Variants in IGF2R observed in about 807,000 individuals in gnomAD.
The protein encoded by IGF2R is insulin like growth factor 2 receptor.
In IGF2R, 91 loss-of-function variants were observed where a neutral mutation model predicts 270.6. That is an observed-to-expected ratio of 0.34 (90% CI 0.28 to 0.40). IGF2R has a LOEUF of 0.40. Among genes scored for constraint, IGF2R ranks in the 10% least tolerant of loss-of-function variants. IGF2R has a pLI of 1.00. For missense variants in IGF2R, 2,805 were observed against 3,188.3 expected, an observed-to-expected ratio of 0.88 and a Z score of 2.90; for synonymous variants, 1,316 against 1,258.9, an observed-to-expected ratio of 1.05 and a Z score of -0.96.
intron 22 of IGF2R, 117 bp from the exon 23 acceptor site, chr6:160,060,430 C>T (rs8191839): frequency 2.7e-5 from 26 of 969,914 alleles, no homozygotes; most frequent in South Asian, 2.5e-4. Flanking sequence ...ATTGCTCCCA[C>T]GAACGGCTGT....
At chr6:159,988,168 A>C (rs1783917913) in intron 1 of IGF2R, among the ~76,000 whole-genome samples, 1 of 152,034 alleles carries the variant, frequency 6.6e-6, no homozygotes, top group African/African-American at 2.4e-5. Context: ...AAGCAAACAC[A>C]CTCTTTACCT....
chr6:160,009,159 T>C, intron 3 of IGF2R, 25 bp downstream of exon 3: 1 of 1,587,708 alleles, frequency 6.3e-7, no homozygotes, highest in Non-Finnish European at 8.6e-7. Context: ...GCACTTGATG[T>C]ATTTCTTTAA....
rs1328034979 is a variant in IGF2R, at chr6:160,096,536, G to A, written c.6753G>A (p.Leu2251=). 6.2e-7 allele frequency: 1 copy of A among 1,614,132 alleles called. No individual in the cohort carries two copies. The highest frequency in any genetic ancestry group is 2.2e-5 in the East Asian group (1 of 44,886). The change falls in exon 45 of 48, where the codon CTG becomes CTA. Residue 2251 remains leucine (L), a synonymous_variant. Coordinates refer to ENST00000356956, the MANE Select transcript of IGF2R (RefSeq NM_000876.4). ...SSTIFFHCDP[L]VEDGIPEFSH... is the part of the protein sequence containing the mutation. ...CCATCTTCTTCCACTGTGACCCTCTGGTGGAGGACGGGATCCCCGAGTTCA... is the reference window on the plus strand; with the variant it reads ...CCATCTTCTTCCACTGTGACCCTCTAGTGGAGGACGGGATCCCCGAGTTCA...
At chr6:159,975,873 A>G (rs1330254573) in intron 1 of IGF2R, among the ~76,000 whole-genome samples, 1 of 150,912 alleles carries the variant, frequency 6.6e-6, no homozygotes, top group Non-Finnish European at 1.5e-5. Context: ...TATTTCCATG[A>G]ATATATCTAG....
At chr6:160,095,555 A>G (rs938894014) in intron 44 of IGF2R, 7 of 152,210 alleles carry the variant, frequency 4.6e-5, no homozygotes, top group African/African-American at 1.7e-4. Context: ...TGACTGTTGT[A>G]TCATTAGCTC....
intron 25 of IGF2R, among the ~76,000 whole-genome samples, chr6:160,062,269 G>C (rs1415134513): frequency 6.7e-6 from 1 of 149,766 alleles, no homozygotes; most frequent in Non-Finnish European, 1.5e-5. Context: ...CGCCCCCCAG[G>C]TTCAAGTGAT....
intron 1 of IGF2R, among the ~76,000 whole-genome samples, chr6:159,978,282 G>T (rs1469105182): frequency 6.6e-6 from 1 of 152,142 alleles, no homozygotes. Context: ...GAGGTTTGCA[G>T]CCTTGAGGAG....
intron 4 of IGF2R, among the ~76,000 whole-genome samples, chr6:160,014,782 C>T (rs1777247574): frequency 6.6e-6 from 1 of 152,174 alleles, no homozygotes; most frequent in Non-Finnish European, 1.5e-5. Context: ...GGATAATGGG[C>T]ACTTGTGGCT....
intron 1 of IGF2R, among the ~76,000 whole-genome samples, chr6:159,969,630 C>A (rs1432862145): frequency 6.6e-6 from 1 of 152,152 alleles, no homozygotes; most frequent in Non-Finnish European, 1.5e-5. Context: ...CCTGGAGCCC[C>A]GCGTCCGGCC....
At chr6:160,078,791 T>G (rs1306111330) in intron 37 of IGF2R, among the ~76,000 whole-genome samples, 1 of 152,150 alleles carries the variant, frequency 6.6e-6, no homozygotes, top group Non-Finnish European at 1.5e-5. Flanking sequence ...GTTTGCTGAT[T>G]GTGGCAGCTT....
intron 11 of IGF2R, 47 bp from the exon 12 acceptor site, chr6:160,043,101 G>A: frequency 6.2e-7 from 1 of 1,602,600 alleles, no homozygotes; most frequent in Middle Eastern, 1.7e-4. Flanking sequence ...GTGACTCAGA[G>A]AAATCAGCAT....
In IGF2R at chr6:159,969,109, C is replaced by T. The variant is rs1238545802; in HGVS notation, c.-138C>T. 5.3e-6 allele frequency: 2 copies of T among 380,834 alleles called. No individual in the cohort carries two copies. Among genetic ancestry groups the T allele is most frequent in the African/African-American group, 2.2e-5 (1 of 45,082 alleles). 23.6% of individuals were successfully genotyped at this position (380,834 alleles called of 1,614,324 possible). ...CGCTGTCGCTGTCGCCGAGCCCAGT[C>T]GAGCCGCGCTCACCTCGGGCTCCCG... On this transcript the variant is annotated 5_prime_UTR_variant, in exon 1 of 48. Transcript: ENST00000356956.
chr6:160,000,534 G>T (rs969031066), intron 2 of IGF2R, among the ~76,000 whole-genome samples: 2 of 152,146 alleles, frequency 1.3e-5, no homozygotes, highest in East Asian at 3.9e-4. Context: ...GAGCTAAGCC[G>T]CATCACCAGG....
rs371603976 is a variant in IGF2R at position 160,104,898 on chromosome 6, G to C, written c.7290G>C (p.Glu2430Asp). Residue 2430 changes from glutamate to aspartate, a missense_variant, in exon 48 of 48, where the codon GAG (glutamate) becomes GAC (aspartate). Physicochemically the swap from Glu to Asp is conservative, Grantham distance 45. This residue lies in a region of IGF2R where 1,851 missense variants were observed against 2,207.2 expected (regional missense o/e 0.84). Transcript: ENST00000356956. ...ACTCGGGCAGGGGAGCTGGGGCAGA[G>C]AGCTCCCACCCAGTGAGAAACGCAC... ...KVHSGRGAGAESSHPVRNAQS... is the reference protein window; with the variant it reads ...KVHSGRGAGADSSHPVRNAQS... The C allele has an allele frequency of 6.2e-7, 1 of 1,614,022 alleles. No individual in the cohort carries two copies. Among genetic ancestry groups the C allele is most frequent in the African/African-American group, 1.3e-5 (1 of 74,920 alleles).
chr6:160,034,401 G>A lies in IGF2R; in HGVS notation c.1212-18G>A. On this transcript the variant is annotated intron_variant, in intron 9 of 47. Coordinates refer to ENST00000356956, the MANE Select transcript of IGF2R (RefSeq NM_000876.4). ...GGTTCTCCCAAACACATTTGTCTGT[G>A]TATTCACAAAAATCTAGATATTCGG... 6.6e-7 allele frequency: 1 copy of A among 1,504,752 alleles called. No individual in the cohort carries two copies. The highest frequency in any genetic ancestry group is 9.2e-7 in the Non-Finnish European group (1 of 1,081,904). 93.2% of individuals were successfully genotyped at this position (1,504,752 alleles called of 1,614,324 possible). A position where few individuals can be genotyped will look rare whatever the true frequency, so the allele number is the denominator to read the frequency against.
At chr6:160,070,447 GGT>G (rs1447114717) in intron 31 of IGF2R, among the ~76,000 whole-genome samples, 14 of 152,120 alleles carry the variant, frequency 9.2e-5, no homozygotes. Context: ...CACATAACTT[GGT>G]TAATTACTCA....
chr6:160,020,718 G>A (rs1392630555), intron 4 of IGF2R, among the ~76,000 whole-genome samples: 1 of 152,228 alleles, frequency 6.6e-6, no homozygotes, highest in Non-Finnish European at 1.5e-5. Flanking sequence ...TTAGTAAATG[G>A]TTCTGGGAAA....
chr6:160,072,925 TC>T (rs1237210114), intron 33 of IGF2R, 41 bp downstream of exon 33: 1 of 1,574,516 alleles, frequency 6.4e-7, no homozygotes. Context: ...GACTCTCCCG[TC>T]CTCTGGGGTT....
At chr6:160,027,399 C>T in intron 6 of IGF2R, 85 bp downstream of exon 6, 1 of 1,447,554 alleles carries the variant, frequency 6.9e-7, no homozygotes, top group Non-Finnish European at 9.2e-7. Flanking sequence ...CATCCTTTTT[C>T]AGCAAGGCTT....
Sources: gnomAD v4.1 joint callset for allele counts (sites outside exome capture counted in the v4.1 genomes callset) on GRCh38, gnomAD v4.1.1 for gene constraint, gnomAD v4.1.1 regional missense constraint, MANE v1.5 for transcripts, NCBI Gene and HGNC (gene_info 2026-07-23, HGNC 2026-07-21) for gene names.